Variants in DNAH3 observed in about 807,000 individuals in gnomAD.
DNAH3 encodes the protein dynein axonemal heavy chain 3, also known as axonemal beta dynein heavy chain 3.
In DNAH3, 332 loss-of-function variants were observed where a neutral mutation model predicts 432.5. The ratio of observed to expected loss-of-function variants is 0.77; its 90% CI spans 0.70 to 0.84. The LOEUF (loss-of-function observed/expected upper bound fraction) is 0.84, where lower values mean the gene tolerates loss of function less well. DNAH3 is among the 40% of genes least tolerant of loss of function. The probability of loss-of-function intolerance (pLI) is 0.00; values close to 1 mark genes in which losing one functional copy is unlikely to be tolerated. For missense variants in DNAH3, 4,861 were observed against 5,114.0 expected, an observed-to-expected ratio of 0.95 and a Z score of 1.51; for synonymous variants, 1,956 against 1,900.2, an observed-to-expected ratio of 1.03 and a Z score of -0.76.
intron 41 of DNAH3, among the ~76,000 whole-genome samples, chr16:21,014,426 C>T (rs750472128): frequency 2.6e-5 from 4 of 152,116 alleles, no homozygotes; most frequent in Non-Finnish European, 5.9e-5. Flanking sequence ...CAAAGACTCT[C>T]AGTAAACTAG....
intron 19 of DNAH3, among the ~76,000 whole-genome samples, chr16:21,082,186 C>T (rs1374657902): frequency 1.3e-5 from 2 of 151,942 alleles, no homozygotes; most frequent in South Asian, 2.1e-4. Context: ...AGGAGTGAGC[C>T]GCCACACCCA....
intron 61 of DNAH3, among the ~76,000 whole-genome samples, chr16:20,934,416 TATC>T (rs1159940300): frequency 3.9e-5 from 6 of 152,172 alleles, no homozygotes; most frequent in Non-Finnish European, 8.8e-5. Context: ...CTACAACAAA[TATC>T]ATAGCTTAGC....
Position 20,963,866 on chromosome 16 carries a change from C to T in DNAH3, c.10018G>A (p.Glu3340Lys), listed in dbSNP as rs184864743. Reference sequence around the variant, plus strand: ...TACTTGATGCGCAGATTCAGTTCCTCGCTCTTCGTGCTGTGGGTCAAGGAA... The same window carrying T: ...TACTTGATGCGCAGATTCAGTTCCTTGCTCTTCGTGCTGTGGGTCAAGGAA... Residue 3340 changes from glutamate to lysine, a missense_variant, in exon 53 of 62, where the codon GAG (glutamate) becomes AAG (lysine). Physicochemically the swap from Glu to Lys is moderately conservative, Grantham distance 56 (BLOSUM62 1). Transcript: ENST00000261383. The T allele has an allele frequency of 1.1e-5, 18 of 1,614,104 alleles. No individual in the cohort carries two copies. In the Admixed American group the frequency reaches 1.5e-4, roughly 13 times the overall value.
chr16:21,008,339 G>A (rs1304463786), intron 41 of DNAH3, among the ~76,000 whole-genome samples: 2 of 152,124 alleles, frequency 1.3e-5, no homozygotes, highest in East Asian at 3.9e-4. Flanking sequence ...CACTATTTAA[G>A]GAATGGTGTG....
At chr16:20,965,411 C>A (rs750816736) in exon 53 of DNAH3, 11 of 1,519,468 alleles carry the variant, frequency 7.2e-6, no homozygotes, top group Middle Eastern at 3.6e-4. Flanking sequence ...CCCCAGTAAT[C>A]TTCTATCATC....
At chr16:21,099,866 C>T (rs1001353201) in intron 16 of DNAH3, among the ~76,000 whole-genome samples, 1 of 152,068 alleles carries the variant, frequency 6.6e-6, no homozygotes, top group African/African-American at 2.4e-5. Context: ...AAATATGTTT[C>T]TTGTCTCCTT....
At chr16:20,958,988 G>C (rs1306431593) in intron 54 of DNAH3, among the ~76,000 whole-genome samples, 191 bp downstream of exon 54, 1 of 152,070 alleles carries the variant, frequency 6.6e-6, no homozygotes, top group Non-Finnish European at 1.5e-5. Context: ...GGCTAGTTTC[G>C]AACTCCTGAC....
chr16:21,050,914 T>C (rs1434422418), intron 29 of DNAH3, among the ~76,000 whole-genome samples: 1 of 152,214 alleles, frequency 6.6e-6, no homozygotes, highest in Admixed American at 6.5e-5. Flanking sequence ...CATTTAGCAC[T>C]CTATCTTGTA....
intron 51 of DNAH3, among the ~76,000 whole-genome samples, chr16:20,974,579 GTT>G (rs752437227): frequency 4.9e-5 from 4 of 81,828 alleles, no homozygotes; most frequent in Non-Finnish European, 8.6e-5. Context: ...GTTTTATAGT[GTT>G]TTTTTTTTTT....
At chr16:21,080,000 T>C (rs142890365) in intron 20 of DNAH3, among the ~76,000 whole-genome samples, 9 of 152,240 alleles carry the variant, frequency 5.9e-5, no homozygotes, top group East Asian at 5.8e-4. Context: ...ATTAGAAATA[T>C]AGAGTGAGCC....
intron 56 of DNAH3, among the ~76,000 whole-genome samples, chr16:20,951,854 T>C (rs1466166795): frequency 6.6e-6 from 1 of 151,320 alleles, no homozygotes; most frequent in East Asian, 1.9e-4. Flanking sequence ...AATTCTCCTG[T>C]CTCAGCCTCC....
intron 16 of DNAH3, among the ~76,000 whole-genome samples, chr16:21,099,681 C>T (rs1212955012): frequency 6.6e-6 from 1 of 152,004 alleles, no homozygotes; most frequent in Non-Finnish European, 1.5e-5. Context: ...AGAAAAAATG[C>T]CAGCTTAATA....
At chr16:20,942,948 G>A (rs1046643739) in intron 58 of DNAH3, among the ~76,000 whole-genome samples, 2 of 151,928 alleles carry the variant, frequency 1.3e-5, no homozygotes, top group African/African-American at 2.4e-5. Flanking sequence ...TCACTCTGTC[G>A]TCCAGGTGGG....
exon 19 of DNAH3, chr16:21,086,909 C>G (rs201495119): frequency 1.2e-6 from 2 of 1,614,066 alleles, no homozygotes; most frequent in Non-Finnish European, 1.7e-6. Flanking sequence ...TGGGAATGTA[C>G]TGCTTGAACT....
intron 32 of DNAH3, among the ~76,000 whole-genome samples, chr16:21,040,347 A>AAGCC (rs1486487537): frequency 7.2e-6 from 1 of 139,008 alleles, no homozygotes; most frequent in Admixed American, 7.1e-5. Context: ...AAGAATCCCA[A>AAGCC]AGCCAGACAG....
chr16:21,049,635 C>G (rs2089867845), exon 31 of DNAH3: 1 of 1,614,192 alleles, frequency 6.2e-7, no homozygotes, highest in African/African-American at 1.3e-5. Context: ...TGAAGAACTT[C>G]CCCATAGCTT....
intron 24 of DNAH3, among the ~76,000 whole-genome samples, chr16:21,064,735 T>G (rs1353318936): frequency 1.3e-5 from 2 of 152,128 alleles, no homozygotes; most frequent in Admixed American, 6.6e-5. Context: ...AATTAAAATC[T>G]TTTTTTAGCA....
intron 27 of DNAH3, among the ~76,000 whole-genome samples, 161 bp from the exon 28 acceptor site, chr16:21,054,695 A>G (rs926975069): frequency 1.3e-5 from 2 of 152,200 alleles, no homozygotes; most frequent in Non-Finnish European, 2.9e-5. Context: ...TAATCTCTGA[A>G]TGAATTCCTA....
chr16:21,107,529 C>T (rs919555100), intron 14 of DNAH3, among the ~76,000 whole-genome samples: 2 of 151,720 alleles, frequency 1.3e-5, no homozygotes, highest in African/African-American at 2.4e-5. Context: ...CATGAGCCAC[C>T]GCACCCAGCC....
Sources: allele counts gnomAD v4.1 joint callset (sites outside exome capture counted in the v4.1 genomes callset), GRCh38; gene constraint gnomAD v4.1.1; transcripts MANE v1.5; gene names NCBI Gene and HGNC (gene_info 2026-07-23, HGNC 2026-07-21).